FAT3: variants seen among roughly 807,000 people sequenced by gnomAD.
FAT3 encodes FAT atypical cadherin 3.
Under a neutral mutation model 310.2 loss-of-function variants are expected in FAT3, and 95 were observed. The ratio of observed to expected loss-of-function variants is 0.31; its 90% CI spans 0.26 to 0.36. The LOEUF (loss-of-function observed/expected upper bound fraction) is 0.36, where lower values mean the gene tolerates loss of function less well. Ranked by LOEUF, FAT3 falls within the 10% of genes least tolerant of loss-of-function variation. The pLI is 1.00. For synonymous variants in FAT3, 2,314 were observed against 2,192.9 expected, an observed-to-expected ratio of 1.06 and a Z score of -1.54; for missense variants, 5,408 against 5,715.6, an observed-to-expected ratio of 0.95 and a Z score of 1.74.
rs750207401 is a variant in FAT3 at position 92,355,306 on chromosome 11, T to A, written c.3194T>A (p.Val1065Glu). 5.0e-6 allele frequency: 8 copies of A among 1,613,640 alleles called. No individual in the cohort carries two copies. The African/African-American group carries it at 9.3e-5, about 19-fold the overall frequency. Residue 1065 changes from valine (V) to glutamate (E), a missense_variant, in exon 2 of 28, where the codon GTG (valine) becomes GAG (glutamate). Transcript: ENST00000525166. ...NSRIGTSVLQ[V>E]TARDEDSGRD... ...CGCATTGGAACAAGCGTGCTGCAGGTGACTGCTCGAGATGAAGACTCCGGA... is the reference window on the plus strand; with the variant it reads ...CGCATTGGAACAAGCGTGCTGCAGGAGACTGCTCGAGATGAAGACTCCGGA...
intron 4 of FAT3, among the ~76,000 whole-genome samples, chr11:92,723,500 C>G (rs1309135932): frequency 6.6e-6 from 1 of 152,222 alleles, no homozygotes; most frequent in Non-Finnish European, 1.5e-5. Context: ...GTTCCAACCT[C>G]TGCCTGTTAG....
chr11:92,363,292 C>T (rs1169525356), intron 2 of FAT3, among the ~76,000 whole-genome samples: 1 of 152,074 alleles, frequency 6.6e-6, no homozygotes, highest in Non-Finnish European at 1.5e-5. Context: ...TGAGTGAAAA[C>T]CAAGAAATGG....
At chr11:92,404,229 AAG>A (rs1950089930) in intron 2 of FAT3, among the ~76,000 whole-genome samples, 1 of 152,160 alleles carries the variant, frequency 6.6e-6, no homozygotes, top group Non-Finnish European at 1.5e-5. Flanking sequence ...AATATTAAAA[AAG>A]ACATTATTCC....
rs1035435953 is a variant in FAT3, at chr11:92,463,524, A to G, written c.3293-61110A>G. 2.0e-5 allele frequency among the ~76,000 whole-genome samples: 3 copies of G among 152,218 alleles called. No homozygotes were observed. The East Asian group carries it at 5.8e-4, about 29-fold the overall frequency. On this transcript the variant is annotated intron_variant, in intron 2 of 27. Transcript: ENST00000525166. ...TACAGTTTCTGTGAAAATAAATGAA[A>G]TAATCCTTGTAAAGCACTATTTAGC...
chr11:92,790,276 A>T (rs1187233329), intron 8 of FAT3, 58 bp downstream of exon 8: 28 of 1,556,126 alleles, frequency 1.8e-5, no homozygotes, highest in Non-Finnish European at 2.3e-5. Context: ...CAGGCCACAC[A>T]CATTAGCCTT....
intron 1 of FAT3, among the ~76,000 whole-genome samples, chr11:92,310,677 G>C (rs905349229): frequency 2.0e-5 from 3 of 151,924 alleles, no homozygotes; most frequent in African/African-American, 7.3e-5. Context: ...GTGTATGTTT[G>C]TATATGTATA....
chr11:92,270,794 A>G (rs1361790220), intron 1 of FAT3, among the ~76,000 whole-genome samples: 1 of 152,114 alleles, frequency 6.6e-6, no homozygotes, highest in Non-Finnish European at 1.5e-5. Context: ...ATACATGTCT[A>G]AACAGAACTA....
At chr11:92,819,007 A>G (rs755974912) in intron 13 of FAT3, among the ~76,000 whole-genome samples, 154 of 152,344 alleles carry the variant, frequency 1.0e-3, no homozygotes, top group Non-Finnish European at 1.8e-3. Flanking sequence ...GCTCCACTTC[A>G]GGCACTGCGC....
chr11:92,321,356 G>A (rs2134495798), intron 1 of FAT3, among the ~76,000 whole-genome samples: 1 of 151,596 alleles, frequency 6.6e-6, no homozygotes, highest in South Asian at 2.1e-4. Flanking sequence ...AGAATGGCGT[G>A]AACCCGAGAG....
intron 3 of FAT3, among the ~76,000 whole-genome samples, chr11:92,682,761 G>A (rs1317849608): frequency 6.6e-6 from 1 of 152,146 alleles, no homozygotes; most frequent in Non-Finnish European, 1.5e-5. Flanking sequence ...GGAGGACAAG[G>A]GAATGGGGAG....
chr11:92,846,162 C>T (rs1400317554), intron 19 of FAT3, among the ~76,000 whole-genome samples: 4 of 152,080 alleles, frequency 2.6e-5, no homozygotes, highest in Admixed American at 6.6e-5. Context: ...GGTCTGTATG[C>T]GGTGATTCAC....
chr11:92,602,077 A>ATT (rs113205477), intron 3 of FAT3, among the ~76,000 whole-genome samples: 2 of 145,988 alleles, frequency 1.4e-5, no homozygotes, highest in Admixed American at 6.9e-5. Flanking sequence ...ACCTTAATTA[A>ATT]TTTTTTTTTT....
At position 92,799,397 on chromosome 11, in the gene FAT3, C is replaced by A; in HGVS notation, c.6384C>A (p.Gly2128=). ...EVTYVLQDDY[G]HFEINPNSGN... The stretch of plus-strand genomic sequence containing the variant: ...CCTATGTCCTGCAGGATGACTATGG[C>A]CACTTTGAAATTAACCCTAATTCAG... The change falls in exon 10 of 28, where the codon GGC becomes GGA. Residue 2128 remains glycine (G), a synonymous_variant. Transcript: ENST00000525166. 6.2e-7 allele frequency: 1 copy of A among 1,613,550 alleles called. No individual in the cohort carries two copies. Among genetic ancestry groups the A allele is most frequent in the Non-Finnish European group, 8.5e-7 (1 of 1,179,708 alleles).
At chr11:92,813,210 G>A (rs1302640152) in intron 13 of FAT3, among the ~76,000 whole-genome samples, 1 of 152,160 alleles carries the variant, frequency 6.6e-6, no homozygotes, top group East Asian at 1.9e-4. Context: ...TAATATACTT[G>A]TGTTACCTCC....
chr11:92,274,970 G>T (rs1169935590), intron 1 of FAT3, among the ~76,000 whole-genome samples: 1 of 152,102 alleles, frequency 6.6e-6, no homozygotes, highest in Non-Finnish European at 1.5e-5. Flanking sequence ...GTTCTAAAAG[G>T]TGGCCCTATT....
intron 14 of FAT3, among the ~76,000 whole-genome samples, chr11:92,833,532 C>G (rs1313896578): frequency 6.6e-6 from 1 of 152,158 alleles, no homozygotes; most frequent in Non-Finnish European, 1.5e-5. Flanking sequence ...ATCCAACATT[C>G]GAACTCAGAT....
intron 13 of FAT3, among the ~76,000 whole-genome samples, chr11:92,825,334 A>AAGGT (rs1565627729): frequency 6.6e-6 from 1 of 152,172 alleles, no homozygotes; most frequent in Non-Finnish European, 1.5e-5. Context: ...CTTTACCTAA[A>AAGGT]AGGTACATTA....
intron 2 of FAT3, among the ~76,000 whole-genome samples, chr11:92,368,897 C>CATAT (rs1565263777): frequency 4.9e-4 from 60 of 123,220 alleles, no homozygotes; most frequent in African/African-American, 2.9e-3. Context: ...TATATACACA[C>CATAT]ACACATATAT....
chr11:92,665,713 G>A (rs1942927800), intron 3 of FAT3, among the ~76,000 whole-genome samples: 1 of 152,128 alleles, frequency 6.6e-6, no homozygotes, highest in South Asian at 2.1e-4. Flanking sequence ...ATGTTCTCCT[G>A]TCTAAATTGT....
Sources: allele counts gnomAD v4.1 joint callset (sites outside exome capture counted in the v4.1 genomes callset), GRCh38; gene constraint gnomAD v4.1.1; transcripts MANE v1.5; gene names NCBI Gene and HGNC (gene_info 2026-07-23, HGNC 2026-07-21).